The following FBXO41 variants were observed in gnomAD, a reference collection of about 807,000 sequenced individuals.
FBXO41 encodes the protein F-box protein 41.
Under a neutral mutation model 81.6 loss-of-function variants are expected in FBXO41, and 33 were observed. That is an observed-to-expected ratio of 0.40 (90% confidence interval 0.31 to 0.54). The LOEUF is 0.54. FBXO41 is among the 20% of genes least tolerant of loss of function. The probability of loss-of-function intolerance (pLI) is 0.39; values close to 1 mark genes in which losing one functional copy is unlikely to be tolerated. For missense variants in FBXO41, 1,107 were observed against 1,236.0 expected (o/e 0.90, Z 1.56); for synonymous variants, 576 against 552.7 (o/e 1.04, Z -0.59).
chr2:73,273,904 T>C (rs1007686866), intron 1 of FBXO41, among the ~76,000 whole-genome samples: 2 of 152,212 alleles, frequency 1.3e-5, no homozygotes, highest in Non-Finnish European at 2.9e-5. Flanking sequence ...CCTGTTTCCT[T>C]TGGTGTTACT....
At position 73,263,791 on chromosome 2, in the gene FBXO41, T is replaced by G; in HGVS notation, c.1962A>C (p.Ala654=). The G allele has an allele frequency of 1.9e-6, 3 of 1,614,036 alleles. No individual in the cohort carries two copies. The highest frequency in any genetic ancestry group is 1.7e-6 in the Non-Finnish European group (2 of 1,179,900). ...LEAGLESLLK[A]AGGNLLILRI... is the part of the protein sequence containing the mutation. ...GCAGGATCAGCAGGTTCCCCCCAGC[T>G]GCCTTCAGCAGGGACTCCAGCCCAG... is the stretch of plus-strand genomic sequence containing the variant. Residue 654 remains alanine (A), a synonymous_variant, in exon 8 of 13, where the codon GCA becomes GCC. Transcript: ENST00000520530.
chr2:73,265,531 C>A lies in FBXO41; in HGVS notation c.1315G>T (p.Gly439Cys). The A allele has an allele frequency of 6.3e-7, 1 of 1,596,130 alleles. No individual in the cohort carries two copies. Among genetic ancestry groups the A allele is most frequent in the East Asian group, 2.3e-5 (1 of 44,444 alleles). ...GCAGCCTGGGCCCGTGTGCCCAAGC[C>A]CCCAGGGCCACTGTCCTCAGGGGCC... ...EGAPEDSGPG[G>C]LGTRAQAANG... is the part of the protein sequence containing the mutation. Residue 439 changes from glycine (G) to cysteine (C), a missense_variant, in exon 5 of 13, where the codon GGC becomes TGC. Transcript: ENST00000520530.
chr2:73,270,093 A>G lies in FBXO41; in HGVS notation c.-138-325T>C, dbSNP rs544434001. On this transcript the variant is annotated intron_variant, in intron 1 of 12. Transcript: ENST00000520530. ...TATTCATGATGGAATCTACCCAGCA[A>G]TAAGAAAAGAAACTATTGGTACACA... Among the ~76,000 whole-genome samples the G allele has an allele frequency of 2.1e-4, 32 of 152,360 alleles. 1 individual carries two copies. Among genetic ancestry groups the G allele is most frequent in the African/African-American group, 7.7e-4 (32 of 41,586 alleles).
In FBXO41 at chr2:73,256,210, A is replaced by G. The variant is rs1687806014; in HGVS notation, c.*2772T>C. ...ATTCCTTTCTTGCATCTTACTGGGT[A>G]TGAGATGTGAAGGGATCCCGTTTGG... On this transcript the variant is annotated 3_prime_UTR_variant, in exon 13 of 13. Transcript: ENST00000520530. The G allele has an allele frequency of 6.6e-6, 1 of 152,186 alleles. No individual in the cohort carries two copies. Among genetic ancestry groups the G allele is most frequent in the Non-Finnish European group, 1.5e-5 (1 of 68,100 alleles). 9.4% of individuals were successfully genotyped at this position (152,186 alleles called of 1,614,324 possible).
intron 2 of FBXO41, 22 bp downstream of exon 2, chr2:73,268,704 A>G: frequency 1.3e-6 from 2 of 1,498,000 alleles, no homozygotes; most frequent in Non-Finnish European, 1.8e-6. Flanking sequence ...AACCACTCAC[A>G]GGGCCCCGAG....
At chr2:73,274,248 T>C (rs1180792124) in intron 1 of FBXO41, among the ~76,000 whole-genome samples, 3 of 152,274 alleles carry the variant, frequency 2.0e-5, no homozygotes, top group Non-Finnish European at 4.4e-5. Flanking sequence ...TTCACTTGCA[T>C]GTCCTTGATT....
At chr2:73,264,253 A>G in intron 6 of FBXO41, 25 bp downstream of exon 6, 1 of 1,612,934 alleles carries the variant, frequency 6.2e-7, no homozygotes, top group Non-Finnish European at 8.5e-7. Context: ...ACAGCAGGGC[A>G]CAGAAGGCAG....
rs762259640 is a variant in FBXO41 at position 73,265,353 on chromosome 2, G to A, written c.1493C>T (p.Ala498Val). 5.3e-5 allele frequency: 85 copies of A among 1,611,894 alleles called. No homozygotes were observed. Among genetic ancestry groups the A allele is most frequent in the Admixed American group, 2.8e-4 (17 of 60,000 alleles). ...DVGSRTTESE[A>V]EGPLDAPRPG... is the part of the protein sequence containing the mutation. Reference sequence around the variant, plus strand: ...GCGGGGCGCATCCAACGGGCCCTCAGCCTCTGACTCAGTGGTTCGGGAGCC... The same window carrying A: ...GCGGGGCGCATCCAACGGGCCCTCAACCTCTGACTCAGTGGTTCGGGAGCC... Residue 498 changes from alanine (A) to valine (V), a missense_variant, in exon 5 of 13, where the codon GCT becomes GTT. Transcript: ENST00000520530.
chr2:73,264,274 G>A lies in FBXO41; in HGVS notation c.1806+4C>T, dbSNP rs1688139980. The A allele has an allele frequency of 6.2e-7, 1 of 1,613,234 alleles. No individual in the cohort carries two copies. Among genetic ancestry groups the A allele is most frequent in the African/African-American group, 1.3e-5 (1 of 74,922 alleles). ...GGGCACAGAAGGCAGGCAGGGGCAGGTACCTTGGAGCAGACACGGGCATTC... is the reference window on the plus strand; with the variant it reads ...GGGCACAGAAGGCAGGCAGGGGCAGATACCTTGGAGCAGACACGGGCATTC... On this transcript the variant is annotated splice_donor_region_variant and intron_variant, in intron 6 of 12. Transcript: ENST00000520530.
chr2:73,279,791 G>A (rs1688795328), intron 1 of FBXO41, among the ~76,000 whole-genome samples: 1 of 152,164 alleles, frequency 6.6e-6, no homozygotes, highest in Admixed American at 6.5e-5. Flanking sequence ...TAAGATGGGA[G>A]TGACCTGAAC....
At chr2:73,280,018 C>T (rs919435742) in intron 1 of FBXO41, among the ~76,000 whole-genome samples, 1 of 152,102 alleles carries the variant, frequency 6.6e-6, no homozygotes, top group Admixed American at 6.5e-5. Context: ...ACTGAACTCA[C>T]AATGCCCCAA....
chr2:73,274,325 A>G (rs546576), intron 1 of FBXO41, among the ~76,000 whole-genome samples: 15,486 of 152,256 alleles, frequency 0.1, 1,069 homozygotes, highest in Non-Finnish European at 0.15. Context: ...TTGCCTGTGC[A>G]CTACTTTGCT....
intron 9 of FBXO41, among the ~76,000 whole-genome samples, chr2:73,262,739 CTATTTATTTATT>C (rs770741983): frequency 3.9e-5 from 6 of 151,966 alleles, no homozygotes; most frequent in Non-Finnish European, 5.9e-5. Context: ...TTTTATTTAT[CTATTTATTTATT>C]TATTTATTTA....
rs200040373 is a variant in FBXO41, at chr2:73,264,495, C to T, written c.1589G>A (p.Arg530Gln). ...GCTGACCCTCTCTGCTCGCCGACCCCGCCCACTGCCTCCCTCGGGGCGGGC... is the reference window on the plus strand; with the variant it reads ...GCTGACCCTCTCTGCTCGCCGACCCTGCCCACTGCCTCCCTCGGGGCGGGC... ...LSARPEGGSG[R>Q]GRRAERVSPS... The change falls in exon 6 of 13, where the codon CGG (arginine) becomes CAG (glutamine). Residue 530 changes from arginine (R) to glutamine (Q), a missense_variant. Physicochemically the swap from Arg to Gln is conservative, Grantham distance 43. Around this residue, in one of 2 missense-constraint regions of FBXO41, gnomAD observed 771 missense variants for 789.2 expected, o/e 0.98. Coordinates refer to ENST00000520530, the MANE Select transcript of FBXO41 (RefSeq NM_001371389.2). 708 of 1,613,620 alleles carry T rather than the reference C, an allele frequency of 4.4e-4. 3 individuals carry two copies. The highest frequency in any genetic ancestry group is 5.2e-4 in the Non-Finnish European group (616 of 1,179,874).
Position 73,265,607 on chromosome 2 carries a change from G to A in FBXO41, c.1239C>T (p.Ser413=), listed in dbSNP as rs756158022. ...ASSRVPAASQ[S]SGCYDSDSLE... ...GACTGTCACTGTCATAGCAGCCTGA[G>A]CTCTGGGATGCGGCTGGCACACGGC... Residue 413 remains serine (S), a synonymous_variant, in exon 5 of 13, where the codon AGC becomes AGT. Coordinates refer to ENST00000520530, the MANE Select transcript of FBXO41 (RefSeq NM_001371389.2). 4 of 1,524,876 alleles carry A rather than the reference G, an allele frequency of 2.6e-6. No homozygotes were observed. Among genetic ancestry groups the A allele is most frequent in the Non-Finnish European group, 3.5e-6 (4 of 1,137,662 alleles). The allele number at this position is 1,524,876 out of a possible 1,614,324, so 94.5% of individuals were successfully genotyped here.
Position 73,269,106 on chromosome 2 carries a change from G to GGGGCCA in FBXO41, c.519_524dup (p.Gly178_Pro179dup), listed in dbSNP as rs1444240814. 6.6e-7 allele frequency: 1 copy of GGGGCCA among 1,506,770 alleles called. No homozygotes were observed. The highest frequency in any genetic ancestry group is 2.6e-5 in the East Asian group (1 of 38,632). The allele number at this position is 1,506,770 out of a possible 1,614,324, so 93.3% of individuals were successfully genotyped here. On this transcript the variant is annotated inframe_insertion, in exon 2 of 13. Coordinates refer to ENST00000520530, the MANE Select transcript of FBXO41 (RefSeq NM_001371389.2). The surrounding 1 kb of genome is among the most constrained non-coding windows in gnomAD (Gnocchi z 7.0). Reference sequence around the variant, plus strand: ...CAGGCCCGGGGCAAGGGCCGGGGCCGGGGCCAGGCGGCGGCGTCGAGCACG... The same window carrying GGGGCCA: ...CAGGCCCGGGGCAAGGGCCGGGGCCGGGGCCAGGGCCAGGCGGCGGCGTCGAGCACG...
At chr2:73,275,480 G>A (rs1688658913) in intron 1 of FBXO41, among the ~76,000 whole-genome samples, 1 of 152,176 alleles carries the variant, frequency 6.6e-6, no homozygotes, top group South Asian at 2.1e-4. Context: ...ACCACGCCTG[G>A]CCCATTTGCA....
At chr2:73,263,108 C>G in intron 9 of FBXO41, 105 bp downstream of exon 9, 3 of 856,400 alleles carry the variant, frequency 3.5e-6, no homozygotes, top group South Asian at 3.4e-5. Flanking sequence ...GTGTGTGGAT[C>G]TGTCCTAATA....
intron 1 of FBXO41, chr2:73,271,069 T>C (rs1688476336): frequency 5.1e-6 from 2 of 391,412 alleles, no homozygotes; most frequent in Non-Finnish European, 1.0e-5. Flanking sequence ...GAGGTCTGCC[T>C]CTGGAGCCCT....
Sources: gnomAD v4.1 joint callset for allele counts (sites outside exome capture counted in the v4.1 genomes callset) on GRCh38, gnomAD v4.1.1 for gene constraint, gnomAD v4.1.1 regional missense constraint, Gnocchi (gnomAD v3.1) non-coding constraint, MANE v1.5 for transcripts, NCBI Gene and HGNC (gene_info 2026-07-23, HGNC 2026-07-21) for gene names.